The following THSD4 variants were observed in gnomAD, a reference collection of about 807,000 sequenced individuals.
The protein encoded by THSD4 is thrombospondin type-1 domain-containing protein 4.
A neutral mutation model predicts 119.0 loss-of-function variants in THSD4; 69 were observed. The observed-to-expected ratio is 0.58, with a 90% confidence interval of 0.48 to 0.71. The LOEUF (loss-of-function observed/expected upper bound fraction) is 0.71. THSD4 is among the 30% of genes least tolerant of loss of function. The pLI is 0.00. For missense variants in THSD4, 1,393 were observed against 1,391.1 expected, an observed-to-expected ratio of 1.00 and a Z score of -0.02; for synonymous variants, 524 against 540.4, an observed-to-expected ratio of 0.97 and a Z score of 0.42.
intron 7 of THSD4, among the ~76,000 whole-genome samples, chr15:71,558,710 A>G (rs923713240): frequency 5.3e-5 from 8 of 152,162 alleles, no homozygotes; most frequent in African/African-American, 1.7e-4. Context: ...GGCTCAAGCA[A>G]TCCTTCCACC....
intron 7 of THSD4, among the ~76,000 whole-genome samples, chr15:71,538,477 C>T (rs983344374): frequency 5.3e-5 from 8 of 152,146 alleles, no homozygotes; most frequent in African/African-American, 1.7e-4. Context: ...ATTACGGCTT[C>T]GTGCTATGTT....
At chr15:71,290,015 C>T (rs2044769228) in intron 6 of THSD4, among the ~76,000 whole-genome samples, 1 of 152,120 alleles carries the variant, frequency 6.6e-6, no homozygotes, top group African/African-American at 2.4e-5. Context: ...TCCTCACCTA[C>T]CCTTCCCCAG....
chr15:71,197,331 C>G (rs1414810192), intron 3 of THSD4, among the ~76,000 whole-genome samples: 2 of 152,188 alleles, frequency 1.3e-5, no homozygotes, highest in Non-Finnish European at 2.9e-5. Context: ...TGCAGGGAAG[C>G]CTGCCTTCCT....
chr15:71,780,779 C>G lies in THSD4; in HGVS notation c.*3405C>G, dbSNP rs902718339. The G allele has an allele frequency of 4.4e-6, 2 of 455,952 alleles. No individual in the cohort carries two copies. Among genetic ancestry groups the G allele is most frequent in the Non-Finnish European group, 8.8e-6 (2 of 226,712 alleles). 28.2% of individuals were successfully genotyped at this position (455,952 alleles called of 1,614,324 possible). On this transcript the variant is annotated 3_prime_UTR_variant, in exon 18 of 18. Coordinates refer to ENST00000261862, the MANE Select transcript of THSD4 (RefSeq NM_024817.3). The stretch of plus-strand genomic sequence containing the variant: ...GGTTTTTTCTTTATTTTCTTATGTA[C>G]TCATCTACTTATTCTCAAAGTATTT...
chr15:71,312,629 T>G (rs73435498), intron 6 of THSD4, among the ~76,000 whole-genome samples: 349 of 152,100 alleles, frequency 2.3e-3, no homozygotes, highest in African/African-American at 7.9e-3. Context: ...TCCTCTAACC[T>G]GCCAAGCCAC....
At chr15:71,239,774 G>T (rs576144094) in intron 4 of THSD4, among the ~76,000 whole-genome samples, 1 of 152,162 alleles carries the variant, frequency 6.6e-6, no homozygotes, top group Non-Finnish European at 1.5e-5. Context: ...CCCCAGTTCC[G>T]TGGAGGCCCC....
intron 7 of THSD4, among the ~76,000 whole-genome samples, chr15:71,618,600 G>T (rs2050363368): frequency 6.6e-6 from 1 of 152,164 alleles, no homozygotes; most frequent in Non-Finnish European, 1.5e-5. Flanking sequence ...AAGAGACAGG[G>T]TCTCACTCTG....
At chr15:71,112,319 T>C, upstream of THSD4, 306 of 937,824 alleles carry the variant, frequency 3.3e-4, no homozygotes, top group Non-Finnish European at 4.4e-4. Flanking sequence ...TGAAGGGGGG[T>C]ACTATTAATA....
At chr15:71,654,671 G>A (rs185567812) in intron 7 of THSD4, among the ~76,000 whole-genome samples, 1 of 152,092 alleles carries the variant, frequency 6.6e-6, no homozygotes, top group African/African-American at 2.4e-5. Context: ...TAAACGTTTT[G>A]GCATCCATAT....
rs1401257335 is a variant in THSD4, at chr15:71,765,260, A to G, written c.2769+61A>G. 3.2e-5 allele frequency: 50 copies of G among 1,543,030 alleles called. 1 individual carries two copies. The Admixed American group carries it at 3.8e-4, about 12-fold the overall frequency. ...CACAACGTCCCCCACCTGAACTCCTATAGACCCCTCTGGGCCAGGCACTGG... is the reference window on the plus strand; with the variant it reads ...CACAACGTCCCCCACCTGAACTCCTGTAGACCCCTCTGGGCCAGGCACTGG... On this transcript the variant is annotated intron_variant, in intron 16 of 17. Coordinates refer to ENST00000261862, the MANE Select transcript of THSD4 (RefSeq NM_024817.3).
intron 7 of THSD4, among the ~76,000 whole-genome samples, chr15:71,441,014 A>C (rs1473908165): frequency 6.6e-6 from 1 of 152,184 alleles, no homozygotes; most frequent in Non-Finnish European, 1.5e-5. Context: ...TAAATTCACT[A>C]GTCAGATTAT....
At chr15:71,650,238 C>G (rs1291493673) in intron 7 of THSD4, among the ~76,000 whole-genome samples, 1 of 152,182 alleles carries the variant, frequency 6.6e-6, no homozygotes, top group East Asian at 1.9e-4. Flanking sequence ...GTGGCTGCAA[C>G]AGAGACCATA....
In THSD4 at chr15:71,433,315, T is replaced by C. The variant is rs114015147; in HGVS notation, c.1152+21492T>C. 9.2e-3 allele frequency among the ~76,000 whole-genome samples: 1,388 copies of C among 151,384 alleles called. 27 individuals carry two copies. The highest frequency in any genetic ancestry group is 0.033 in the African/African-American group (1,345 of 41,378). ...ACATGACTTTAAGATTTTAAATTACTGAAAAGATTTTTTTGAACTGACACA... is the reference window on the plus strand; with the variant it reads ...ACATGACTTTAAGATTTTAAATTACCGAAAAGATTTTTTTGAACTGACACA... On this transcript the variant is annotated intron_variant, in intron 7 of 17. Transcript: ENST00000261862.
chr15:71,341,433 T>C (rs751580539), intron 6 of THSD4: 3 of 1,613,050 alleles, frequency 1.9e-6, no homozygotes, highest in Non-Finnish European at 2.5e-6. Context: ...TTTTTAAGCA[T>C]GTGCAGCAAG....
intron 7 of THSD4, among the ~76,000 whole-genome samples, chr15:71,558,288 A>G (rs1459641681): frequency 6.6e-6 from 1 of 152,176 alleles, no homozygotes; most frequent in Non-Finnish European, 1.5e-5. Flanking sequence ...CGACTGCACC[A>G]TTGCACTCCA....
chr15:71,676,635 T>G (rs1019072746), intron 8 of THSD4, among the ~76,000 whole-genome samples: 15 of 152,086 alleles, frequency 9.9e-5, no homozygotes, highest in Non-Finnish European at 1.5e-5. Context: ...CCCCCTTCTT[T>G]CCCCGTCCTC....
chr15:71,763,537 C>T (rs1567141342), intron 15 of THSD4, among the ~76,000 whole-genome samples: 1 of 150,412 alleles, frequency 6.6e-6, no homozygotes, highest in South Asian at 2.1e-4. Flanking sequence ...ATAATGAGAC[C>T]CTGTCTCTAA....
At chr15:71,531,853 C>A (rs970079266) in intron 7 of THSD4, among the ~76,000 whole-genome samples, 2 of 152,194 alleles carry the variant, frequency 1.3e-5, no homozygotes, top group African/African-American at 4.8e-5. Flanking sequence ...CAGAAGACGC[C>A]TGAATTCTGG....
intron 11 of THSD4, among the ~76,000 whole-genome samples, chr15:71,738,754 C>G (rs2053176889): frequency 6.6e-6 from 1 of 152,090 alleles, no homozygotes; most frequent in Non-Finnish European, 1.5e-5. Flanking sequence ...TTACTGGGGT[C>G]TCTCGTCTAG....
Sources: allele counts gnomAD v4.1 joint callset (sites outside exome capture counted in the v4.1 genomes callset), GRCh38; gene constraint gnomAD v4.1.1; transcripts MANE v1.5; gene names NCBI Gene and HGNC (gene_info 2026-07-23, HGNC 2026-07-21).